Variants in EXOC4 observed in about 807,000 individuals in gnomAD.
EXOC4 encodes the protein exocyst complex component 4.
A neutral mutation model predicts 107.2 loss-of-function variants in EXOC4; 71 were observed. That is an observed-to-expected ratio of 0.66 (90% confidence interval 0.55 to 0.81). The LOEUF (loss-of-function observed/expected upper bound fraction) is 0.81, where lower values mean the gene tolerates loss of function less well. Among genes scored for constraint, EXOC4 ranks in the 30% least tolerant of loss-of-function variants. EXOC4 has a pLI of 0.00. For missense variants in EXOC4, 1,108 were observed against 1,189.6 expected, an observed-to-expected ratio of 0.93 and a Z score of 1.01; for synonymous variants, 456 against 441.2, an observed-to-expected ratio of 1.03 and a Z score of -0.42.
At chr7:133,363,012 C>T (rs1231975780) in intron 6 of EXOC4, among the ~76,000 whole-genome samples, 1 of 152,174 alleles carries the variant, frequency 6.6e-6, no homozygotes, top group Non-Finnish European at 1.5e-5. Context: ...TGCTTGGAAT[C>T]AGGAAGGGCC....
At chr7:133,401,222 TG>T (rs1412345138) in intron 7 of EXOC4, among the ~76,000 whole-genome samples, 3 of 151,920 alleles carry the variant, frequency 2.0e-5, no homozygotes, top group Non-Finnish European at 4.4e-5. Flanking sequence ...TTGGCCTCTT[TG>T]TAGTGGTTTT....
At chr7:133,525,263 G>A (rs1273148226) in intron 9 of EXOC4, among the ~76,000 whole-genome samples, 4 of 152,124 alleles carry the variant, frequency 2.6e-5, no homozygotes, top group Non-Finnish European at 5.9e-5. Context: ...CTGCTGGTAG[G>A]CTAATATTTC....
intron 7 of EXOC4, among the ~76,000 whole-genome samples, chr7:133,439,428 C>G (rs915434278): frequency 7.9e-5 from 12 of 151,978 alleles, no homozygotes; most frequent in African/African-American, 2.9e-4. Context: ...CATGATCTGC[C>G]TGTCTCAGCC....
chr7:133,858,885 G>T (rs993638972), intron 11 of EXOC4, among the ~76,000 whole-genome samples: 32 of 152,112 alleles, frequency 2.1e-4, no homozygotes, highest in African/African-American at 6.5e-4. Context: ...GTTGCAGCTT[G>T]CTATCCAGTC....
chr7:133,395,077 T>A (rs1046641838), intron 7 of EXOC4, among the ~76,000 whole-genome samples: 4 of 151,866 alleles, frequency 2.6e-5, no homozygotes, highest in African/African-American at 9.7e-5. Flanking sequence ...ATCTTTATAT[T>A]ATTTTTGCTG....
chr7:133,893,283 A>C lies in EXOC4; in HGVS notation c.1735-2316A>C, dbSNP rs1181343534. Among the ~76,000 whole-genome samples, 2 of 80,308 alleles carry C rather than the reference A, an allele frequency of 2.5e-5. 1 individual carries two copies. Among genetic ancestry groups the C allele is most frequent in the East Asian group, 5.5e-4 (2 of 3,630 alleles). The allele number at this position is 80,308 out of a possible 152,430, so 52.7% of individuals were successfully genotyped here. On this transcript the variant is annotated intron_variant, in intron 11 of 17. Coordinates refer to ENST00000253861, the MANE Select transcript of EXOC4 (RefSeq NM_021807.4). The stretch of plus-strand genomic sequence containing the variant: ...TTTTTGTTTTCCATTTGCTTGGTAG[A>C]TCTTCCTCCATCCTTTTATTTTGAG...
At chr7:133,485,442 T>C (rs892185475) in intron 9 of EXOC4, among the ~76,000 whole-genome samples, 2 of 152,076 alleles carry the variant, frequency 1.3e-5, no homozygotes, top group Admixed American at 1.3e-4. Context: ...CCCCAGATGA[T>C]CTCAGCCAAG....
chr7:133,803,643 A>G (rs1405482336), intron 10 of EXOC4, among the ~76,000 whole-genome samples: 1 of 152,176 alleles, frequency 6.6e-6, no homozygotes, highest in African/African-American at 2.4e-5. Flanking sequence ...CAACTGATAG[A>G]TATTCACTTG....
intron 9 of EXOC4, among the ~76,000 whole-genome samples, chr7:133,500,649 C>T (rs373157704): frequency 2.6e-5 from 4 of 152,214 alleles, no homozygotes; most frequent in East Asian, 3.9e-4. Context: ...GGAACACATA[C>T]GAGTGGGATT....
chr7:133,988,057 T>A (rs539019844), intron 14 of EXOC4, among the ~76,000 whole-genome samples: 20 of 152,232 alleles, frequency 1.3e-4, no homozygotes, highest in Non-Finnish European at 2.6e-4. Context: ...ATGTTGACTT[T>A]CCTTGAGAGA....
chr7:133,470,027 T>C (rs1033511063), intron 7 of EXOC4, among the ~76,000 whole-genome samples: 3 of 152,208 alleles, frequency 2.0e-5, no homozygotes, highest in African/African-American at 7.2e-5. Flanking sequence ...AATCACAGGT[T>C]ATAAGCATGG....
intron 10 of EXOC4, among the ~76,000 whole-genome samples, chr7:133,792,908 A>T (rs1796734714): frequency 6.6e-6 from 1 of 152,184 alleles, no homozygotes; most frequent in African/African-American, 2.4e-5. Flanking sequence ...TTGGAGGCTC[A>T]TTAGTATAGA....
intron 6 of EXOC4, among the ~76,000 whole-genome samples, chr7:133,364,489 G>T (rs571296705): frequency 4.8e-4 from 73 of 152,156 alleles, no homozygotes; most frequent in African/African-American, 1.7e-3. Flanking sequence ...AGGTCATTTA[G>T]TGGAAGTTAT....
chr7:133,725,866 A>T (rs1410115618), intron 10 of EXOC4, among the ~76,000 whole-genome samples: 1 of 152,174 alleles, frequency 6.6e-6, no homozygotes, highest in African/African-American at 2.4e-5. Flanking sequence ...TCAAAGGTAG[A>T]CTTGACAGGA....
rs142296677 is a variant in EXOC4 at position 133,878,601 on chromosome 7, T to C, written c.1735-16998T>C. Reference sequence around the variant, plus strand: ...CCCCTGGATGAGGCTTGTGACCTTCTAATCCCTCCATTGTGTAGTTTGATT... The same window carrying C: ...CCCCTGGATGAGGCTTGTGACCTTCCAATCCCTCCATTGTGTAGTTTGATT... On this transcript the variant is annotated intron_variant, in intron 11 of 17. Transcript: ENST00000253861. Among the ~76,000 whole-genome samples the C allele has an allele frequency of 6.2e-3, 938 of 152,362 alleles. 6 individuals carry two copies. The highest frequency in any genetic ancestry group is 0.024 in the Middle Eastern group (7 of 294).
chr7:133,550,800 T>G (rs933922223), intron 9 of EXOC4, among the ~76,000 whole-genome samples: 4 of 152,136 alleles, frequency 2.6e-5, no homozygotes, highest in Non-Finnish European at 4.4e-5. Flanking sequence ...CACCCCCATT[T>G]ATTCAGCAAA....
chr7:133,334,185 C>A (rs1795456628), intron 5 of EXOC4, among the ~76,000 whole-genome samples: 1 of 152,144 alleles, frequency 6.6e-6, no homozygotes, highest in African/African-American at 2.4e-5. Flanking sequence ...AGCATCTGAA[C>A]TATAACACAA....
intron 10 of EXOC4, among the ~76,000 whole-genome samples, chr7:133,686,666 G>A (rs1019701829): frequency 3.3e-5 from 5 of 152,002 alleles, no homozygotes; most frequent in Non-Finnish European, 7.4e-5. Context: ...ACCACAATGC[G>A]ATACCACCTT....
chr7:133,956,701 G>A (rs920155202), intron 14 of EXOC4, among the ~76,000 whole-genome samples: 3 of 152,152 alleles, frequency 2.0e-5, no homozygotes, highest in Non-Finnish European at 4.4e-5. Flanking sequence ...AATAGCTAAG[G>A]CCCAGATTCT....
Sources: gnomAD v4.1 joint callset for allele counts (sites outside exome capture counted in the v4.1 genomes callset) on GRCh38, gnomAD v4.1.1 for gene constraint, MANE v1.5 for transcripts, NCBI Gene and HGNC (gene_info 2026-07-23, HGNC 2026-07-21) for gene names.